The following ULK4 variants were observed in gnomAD, a reference collection of about 807,000 sequenced individuals.
ULK4 encodes the protein inactive serine/threonine-protein kinase ULK4.
A neutral mutation model predicts 160.6 loss-of-function variants in ULK4; 133 were observed. That is an observed-to-expected ratio of 0.83 (90% CI 0.72 to 0.96). The LOEUF is 0.96. Ranked by LOEUF, ULK4 falls within the 40% of genes least tolerant of loss-of-function variation. The probability of loss-of-function intolerance (pLI) is 0.00; values close to 1 mark genes in which losing one functional copy is unlikely to be tolerated. For synonymous variants in ULK4, 534 were observed against 539.8 expected (o/e 0.99, Z 0.15); for missense variants, 1,580 against 1,499.5 (o/e 1.05, Z -0.89).
chr3:41,663,291 T>C (rs553896990), intron 30 of ULK4, among the ~76,000 whole-genome samples: 1 of 152,120 alleles, frequency 6.6e-6, no homozygotes, highest in South Asian at 2.1e-4. Context: ...ACTATTGAGA[T>C]TTAATAAACT....
intron 32 of ULK4, among the ~76,000 whole-genome samples, chr3:41,484,614 G>A (rs567948417): frequency 3.9e-5 from 6 of 151,964 alleles, no homozygotes; most frequent in Admixed American, 2.0e-4. Flanking sequence ...CACCACACCC[G>A]GCTAATTTTT....
At chr3:41,591,451 T>C (rs1219382570) in intron 31 of ULK4, among the ~76,000 whole-genome samples, 5 of 151,806 alleles carry the variant, frequency 3.3e-5, no homozygotes, top group African/African-American at 1.2e-4. Context: ...AGAAGAATTG[T>C]CTGGGGCCAC....
Position 41,819,484 on chromosome 3 carries a change from C to A in ULK4, c.1787G>T (p.Arg596Ile). 2 of 1,608,524 alleles carry A rather than the reference C, an allele frequency of 1.2e-6. No individual in the cohort carries two copies. Among genetic ancestry groups the A allele is most frequent in the African/African-American group, 1.4e-5 (1 of 73,108 alleles). The change falls in exon 19 of 37, where the codon AGA becomes ATA. Residue 596 changes from arginine (R) to isoleucine (I), a missense_variant. Physicochemically the swap from Arg to Ile is moderately conservative, Grantham distance 97 (BLOSUM62 -3). Transcript: ENST00000301831. ...ATQEEKKKNP[R>I]ECWAVPLAAY... ...AGCCAAGGGAACAGCCCAGCACTCT[C>A]TAGGGTTCTTTTTTTTTTCTTCCTA...
At position 41,449,601 on chromosome 3, in the gene ULK4, G is replaced by A. The variant is rs376060328; in HGVS notation, c.3492+5896C>T. On this transcript the variant is annotated intron_variant, in intron 34 of 36. Transcript: ENST00000301831. ...CCATAATCACCATAAAGCATTACCT[G>A]TATTTCATGCCACTGACTGTGAAGT... is the stretch of plus-strand genomic sequence containing the variant. Among the ~76,000 whole-genome samples, 15 of 152,102 alleles carry A rather than the reference G, an allele frequency of 9.9e-5. No homozygotes were observed. In the East Asian group the frequency reaches 1.2e-3, roughly 12 times the overall value.
intron 34 of ULK4, among the ~76,000 whole-genome samples, chr3:41,400,178 C>T (rs2082150195): frequency 6.6e-6 from 1 of 152,090 alleles, no homozygotes; most frequent in South Asian, 2.1e-4. Context: ...CAGCTAGAAC[C>T]TTAGCCATCA....
At chr3:41,623,225 T>G (rs1404930812) in intron 30 of ULK4, among the ~76,000 whole-genome samples, 1 of 152,144 alleles carries the variant, frequency 6.6e-6, no homozygotes, top group African/African-American at 2.4e-5. Context: ...GAAAGGGAAT[T>G]TTAACATCTG....
In ULK4 at chr3:41,501,124, A is replaced by C. The variant is rs182760397; in HGVS notation, c.3227-37871T>G. ...ATTCATAAGTGTTGGTGAGAATGCG[A>C]AACAACTGGACTTCACACACTGCTG... On this transcript the variant is annotated intron_variant, in intron 32 of 36. Transcript: ENST00000301831. Among the ~76,000 whole-genome samples the C allele has an allele frequency of 7.4e-4, 113 of 152,334 alleles. 2 individuals carry two copies. In the East Asian group the frequency reaches 0.014, roughly 19 times the overall value.
intron 22 of ULK4, among the ~76,000 whole-genome samples, chr3:41,729,646 G>C (rs2037761930): frequency 6.6e-6 from 1 of 152,202 alleles, no homozygotes; most frequent in African/African-American, 2.4e-5. Context: ...ATGAGAGACA[G>C]CTTGTTACTT....
intron 21 of ULK4, among the ~76,000 whole-genome samples, chr3:41,771,853 TA>T (rs1259091844): frequency 6.6e-6 from 1 of 152,232 alleles, no homozygotes; most frequent in East Asian, 1.9e-4. Flanking sequence ...AGTGATTTTT[TA>T]AAATCCATGT....
intron 35 of ULK4, among the ~76,000 whole-genome samples, chr3:41,383,947 G>T (rs2081736331): frequency 6.6e-6 from 1 of 152,056 alleles, no homozygotes; most frequent in African/African-American, 2.4e-5. Flanking sequence ...TAACCACTTT[G>T]TTCCATAAAT....
chr3:41,672,199 A>G (rs1480746566), intron 29 of ULK4, among the ~76,000 whole-genome samples: 6 of 152,218 alleles, frequency 3.9e-5, no homozygotes, highest in African/African-American at 1.4e-4. Flanking sequence ...CACATGATCC[A>G]GCAATTCCAT....
At position 41,804,476 on chromosome 3, in the gene ULK4, CTTTAG is replaced by C. The variant is rs879551053; in HGVS notation, c.1849-4188_1849-4184del. On this transcript the variant is annotated intron_variant, in intron 19 of 36. Transcript: ENST00000301831. ...TAGTTTCTTTTGCTGTGCAGAAGCT[CTTTAG>C]TTTAATTAGATCCCATTTGTCAATT... 5.5e-3 allele frequency among the ~76,000 whole-genome samples: 829 copies of C among 151,002 alleles called. 6 individuals carry two copies. Among genetic ancestry groups the C allele is most frequent in the African/African-American group, 0.019 (779 of 41,218 alleles).
chr3:41,501,449 G>A (rs1394020286), intron 32 of ULK4, among the ~76,000 whole-genome samples: 1 of 152,166 alleles, frequency 6.6e-6, no homozygotes, highest in Non-Finnish European at 1.5e-5. Flanking sequence ...AGTGAGCCGA[G>A]ATTGCGCCAC....
chr3:41,908,956 G>A (rs1010679456), intron 11 of ULK4, among the ~76,000 whole-genome samples: 1 of 151,898 alleles, frequency 6.6e-6, no homozygotes, highest in African/African-American at 2.4e-5. Flanking sequence ...AGCCAGGCAT[G>A]GTAGCAGGCA....
At chr3:41,521,052 T>C (rs1008577833) in intron 32 of ULK4, among the ~76,000 whole-genome samples, 28 of 152,304 alleles carry the variant, frequency 1.8e-4, no homozygotes, top group African/African-American at 5.3e-4. Context: ...TTCTGCCTGA[T>C]GCAGATGATT....
intron 35 of ULK4, among the ~76,000 whole-genome samples, chr3:41,357,602 C>G (rs544067391): frequency 6.6e-6 from 1 of 152,306 alleles, no homozygotes; most frequent in African/African-American, 2.4e-5. Flanking sequence ...TCTGTGTTTG[C>G]TCACTGCCAT....
chr3:41,395,814 T>C (rs551862646), intron 35 of ULK4, among the ~76,000 whole-genome samples: 1 of 152,064 alleles, frequency 6.6e-6, no homozygotes, highest in Non-Finnish European at 1.5e-5. Context: ...AAAAAGAAAA[T>C]AGATGAGCAG....
intron 12 of ULK4, among the ~76,000 whole-genome samples, chr3:41,905,084 A>C (rs1378610347): frequency 6.6e-6 from 1 of 152,252 alleles, no homozygotes; most frequent in Non-Finnish European, 1.5e-5. Context: ...TTCTGATTTC[A>C]AAGCTTACTA....
chr3:41,507,289 A>G (rs75057589), intron 32 of ULK4, among the ~76,000 whole-genome samples: 2,699 of 151,922 alleles, frequency 0.018, 82 homozygotes, highest in African/African-American at 0.063. Context: ...ACCAGCTAAA[A>G]ATAGTGAAAT....
Sources: allele counts gnomAD v4.1 joint callset (sites outside exome capture counted in the v4.1 genomes callset), GRCh38; gene constraint gnomAD v4.1.1; transcripts MANE v1.5; gene names NCBI Gene and HGNC (gene_info 2026-07-23, HGNC 2026-07-21).